PSD3: variants seen among roughly 807,000 people sequenced by gnomAD.
The protein encoded by PSD3 is pleckstrin and Sec7 domain containing 3.
Under a neutral mutation model 105.5 loss-of-function variants are expected in PSD3, and 49 were observed. That is an observed-to-expected ratio of 0.46 (90% CI 0.37 to 0.59). The LOEUF (loss-of-function observed/expected upper bound fraction) is 0.59, where lower values mean the gene tolerates loss of function less well. Ranked by LOEUF, PSD3 falls within the 20% of genes least tolerant of loss-of-function variation. The pLI is 0.00. For missense variants in PSD3, 1,561 were observed against 1,263.8 expected, an observed-to-expected ratio of 1.24 and a Z score of -3.57; for synonymous variants, 557 against 457.8, an observed-to-expected ratio of 1.22 and a Z score of -2.77.
At chr8:18,770,223 T>C (rs915658243) in intron 8 of PSD3, among the ~76,000 whole-genome samples, 2 of 152,260 alleles carry the variant, frequency 1.3e-5, no homozygotes, top group South Asian at 4.1e-4. Context: ...TAATGACTAA[T>C]GACCCTCAGC....
intron 10 of PSD3, among the ~76,000 whole-genome samples, chr8:18,653,287 G>C (rs1808652145): frequency 6.6e-6 from 1 of 151,596 alleles, no homozygotes; most frequent in African/African-American, 2.4e-5. Flanking sequence ...AACCACTATA[G>C]TGTCTTCTTC....
rs551175823 is a variant in PSD3, at chr8:18,993,500, G to C, written c.21+20063C>G. Reference sequence around the variant, plus strand: ...TGCTTTAACAGTTAAATAAGATAATGAGTGTAAAGTCTTAACACAAGGTTT... The same window carrying C: ...TGCTTTAACAGTTAAATAAGATAATCAGTGTAAAGTCTTAACACAAGGTTT... On this transcript the variant is annotated intron_variant, in intron 1 of 15. Coordinates refer to ENST00000327040, the MANE Select transcript of PSD3 (RefSeq NM_015310.4). 1.5e-4 allele frequency among the ~76,000 whole-genome samples: 23 copies of C among 152,140 alleles called. 1 individual carries two copies. The South Asian group carries it at 4.8e-3, about 32-fold the overall frequency.
At chr8:18,997,597 C>G (rs1826147815) in intron 1 of PSD3, among the ~76,000 whole-genome samples, 1 of 152,032 alleles carries the variant, frequency 6.6e-6, no homozygotes, top group African/African-American at 2.4e-5. Flanking sequence ...TGCTCACTCT[C>G]AGTCCAAACC....
chr8:18,806,842 C>G (rs1443117781), intron 4 of PSD3, among the ~76,000 whole-genome samples: 3 of 152,228 alleles, frequency 2.0e-5, no homozygotes, highest in South Asian at 2.1e-4. Flanking sequence ...GATAATAAAT[C>G]CTTAAATATT....
At chr8:19,064,927 C>T (rs1346474426) in intron 1 of PSD3, among the ~76,000 whole-genome samples, 13 of 152,164 alleles carry the variant, frequency 8.5e-5, no homozygotes, top group Admixed American at 7.9e-4. Flanking sequence ...TTGGACTGAG[C>T]TCCTGCACTA....
At chr8:18,561,707 AT>A (rs575736471) in intron 14 of PSD3, among the ~76,000 whole-genome samples, 1 of 152,122 alleles carries the variant, frequency 6.6e-6, no homozygotes, top group African/African-American at 2.4e-5. Flanking sequence ...AAAATATTTA[AT>A]TTTTTTCCTA....
chr8:18,678,432 T>A (rs945490329), intron 9 of PSD3, among the ~76,000 whole-genome samples: 10 of 152,260 alleles, frequency 6.6e-5, no homozygotes, highest in Admixed American at 3.9e-4. Flanking sequence ...TTTATTTTTC[T>A]TTCTCTCTGC....
At chr8:18,681,732 T>C (rs1230261203) in intron 9 of PSD3, among the ~76,000 whole-genome samples, 1 of 152,146 alleles carries the variant, frequency 6.6e-6, no homozygotes, top group Non-Finnish European at 1.5e-5. Context: ...GTCACTCTGA[T>C]AGAATATTCT....
In PSD3 at chr8:18,684,120, G is replaced by C. The variant is rs191338130; in HGVS notation, c.2173-28435C>G. The C allele has an allele frequency of 1.8e-4, 92 of 521,180 alleles. 1 individual carries two copies. The highest frequency in any genetic ancestry group is 1.3e-3 in the East Asian group (42 of 31,546). 32.3% of individuals were successfully genotyped at this position (521,180 alleles called of 1,614,324 possible). ...TCTTCAACTACCCTGTTTGCAGCGAGTCTGATTGTTCCAGGCACAGCTCAC... is the reference window on the plus strand; with the variant it reads ...TCTTCAACTACCCTGTTTGCAGCGACTCTGATTGTTCCAGGCACAGCTCAC... On this transcript the variant is annotated intron_variant, in intron 9 of 15. Transcript: ENST00000327040.
intron 8 of PSD3, among the ~76,000 whole-genome samples, chr8:18,793,580 G>A (rs543457571): frequency 6.6e-6 from 1 of 152,222 alleles, no homozygotes; most frequent in Admixed American, 6.5e-5. Flanking sequence ...TAGGAGAGAG[G>A]ACTCCAAAGG....
rs535528521 is a variant in PSD3, at chr8:19,026,659, G to A, written c.324+57547C>T. Among the ~76,000 whole-genome samples, 202 of 128,902 alleles carry A rather than the reference G, an allele frequency of 1.6e-3. 3 individuals are homozygous for A. The Middle Eastern group carries it at 0.027, about 17-fold the overall frequency. 84.6% of individuals were successfully genotyped at this position (128,902 alleles called of 152,430 possible). ...GTGGGAAGACAGCTTGAGGCCAGGA[G>A]TTCGAGACTAGCCTGAGCAACATAG... On this transcript the variant is annotated intron_variant, in intron 1 of 1. Coordinates refer to the PSD3 transcript ENST00000521475.
intron 4 of PSD3, among the ~76,000 whole-genome samples, chr8:18,859,871 A>G (rs145777137): frequency 4.7e-4 from 71 of 152,328 alleles, no homozygotes; most frequent in African/African-American, 1.5e-3. Context: ...TATATCAGAA[A>G]TAAGGTGTTT....
intron 15 of PSD3, among the ~76,000 whole-genome samples, chr8:18,550,389 G>A (rs1261550592): frequency 1.3e-5 from 2 of 152,182 alleles, no homozygotes; most frequent in Non-Finnish European, 2.9e-5. Flanking sequence ...GATCATGTCT[G>A]TATTATTAAC....
chr8:19,027,901 C>A (rs1251727999), intron 1 of PSD3, among the ~76,000 whole-genome samples: 1 of 152,142 alleles, frequency 6.6e-6, no homozygotes, highest in African/African-American at 2.4e-5. Flanking sequence ...CTATGAACAT[C>A]TATGTTTAAT....
chr8:18,592,968 T>G (rs1463737240), intron 12 of PSD3, among the ~76,000 whole-genome samples: 1 of 152,070 alleles, frequency 6.6e-6, no homozygotes, highest in Admixed American at 6.6e-5. Flanking sequence ...ATACAAAAAT[T>G]AATTCAAGAT....
chr8:18,739,567 G>T (rs921914679), intron 9 of PSD3, among the ~76,000 whole-genome samples: 2 of 152,154 alleles, frequency 1.3e-5, no homozygotes, highest in Non-Finnish European at 2.9e-5. Context: ...AATAGCTAAA[G>T]ATAACACATT....
intron 1 of PSD3, among the ~76,000 whole-genome samples, chr8:19,050,650 C>T (rs1160422173): frequency 6.6e-6 from 1 of 151,936 alleles, no homozygotes; most frequent in African/African-American, 2.4e-5. Flanking sequence ...AACACATGGA[C>T]ACAGGAAGGG....
intron 2 of PSD3, among the ~76,000 whole-genome samples, chr8:18,880,414 C>T (rs1256606050): frequency 6.6e-6 from 1 of 152,110 alleles, no homozygotes; most frequent in Non-Finnish European, 1.5e-5. Context: ...GAAAGCTCGC[C>T]TTGGTGGAAT....
intron 4 of PSD3, among the ~76,000 whole-genome samples, chr8:18,859,477 A>G (rs755628165): frequency 1.3e-5 from 2 of 152,216 alleles, no homozygotes; most frequent in Non-Finnish European, 2.9e-5. Context: ...TTCAAGCTTT[A>G]AGAAAAGGCG....
Sources: allele counts gnomAD v4.1 joint callset (sites outside exome capture counted in the v4.1 genomes callset), GRCh38; gene constraint gnomAD v4.1.1; transcripts MANE v1.5; gene names NCBI Gene and HGNC (gene_info 2026-07-23, HGNC 2026-07-21).